Variants in EPB41L4A observed in about 807,000 individuals in gnomAD.
The protein encoded by EPB41L4A is erythrocyte membrane protein band 4.1 like 4A, also known as band 4.1-like protein 4A.
EPB41L4A carries 100 observed loss-of-function variants against 108.6 expected under a neutral mutation model. The ratio of observed to expected loss-of-function variants is 0.92; its 90% confidence interval spans 0.78 to 1.09. EPB41L4A has a LOEUF of 1.09. Among genes scored for constraint, EPB41L4A ranks in the 50% least tolerant of loss-of-function variants. The pLI is 0.00. For synonymous variants in EPB41L4A, 319 were observed against 289.0 expected, an observed-to-expected ratio of 1.10 and a Z score of -1.05; for missense variants, 1,030 against 842.7, an observed-to-expected ratio of 1.22 and a Z score of -2.75.
At position 112,184,083 on chromosome 5, in the gene EPB41L4A, A is replaced by G. The variant is rs767482592; in HGVS notation, c.1555T>C (p.Leu519=). ...VDSAPQWEAV[L]RRQKEKNQAD... Reference sequence around the variant, plus strand: ...TGGTTTTTTTCCTTTTGTCTCCTTAATACAGCTTCCCACTGAGGCGCTGAA... The same window carrying G: ...TGGTTTTTTTCCTTTTGTCTCCTTAGTACAGCTTCCCACTGAGGCGCTGAA... The change falls in exon 18 of 23, where the codon TTA becomes CTA. Residue 519 remains leucine (L), a synonymous_variant. Transcript: ENST00000261486. 8 of 1,613,918 alleles carry G rather than the reference A, an allele frequency of 5.0e-6. No individual in the cohort carries two copies. In the African/African-American group the frequency reaches 1.1e-4, roughly 22 times the overall value.
chr5:112,227,116 G>A (rs1748516038), intron 12 of EPB41L4A, among the ~76,000 whole-genome samples: 1 of 152,078 alleles, frequency 6.6e-6, no homozygotes, highest in Non-Finnish European at 1.5e-5. Context: ...TAGGCAGGCA[G>A]GACAGAAGAA....
At chr5:112,399,327 TC>T (rs1023522143) in intron 1 of EPB41L4A, among the ~76,000 whole-genome samples, 2 of 151,836 alleles carry the variant, frequency 1.3e-5, no homozygotes, top group Non-Finnish European at 2.9e-5. Flanking sequence ...TCAATCAGAT[TC>T]CCCTGTTGTA....
intron 4 of EPB41L4A, among the ~76,000 whole-genome samples, chr5:112,274,135 C>G (rs1219401827): frequency 6.6e-6 from 1 of 151,830 alleles, no homozygotes; most frequent in Non-Finnish European, 1.5e-5. Context: ...AAAGTATTAG[C>G]TAGGTGTAGT....
At position 112,236,396 on chromosome 5, in the gene EPB41L4A, A is replaced by G. The variant is rs1749333594; in HGVS notation, c.966-1641T>C. Among the ~76,000 whole-genome samples, 4 of 152,328 alleles carry G rather than the reference A, an allele frequency of 2.6e-5. No individual in the cohort carries two copies. In the South Asian group the frequency reaches 8.3e-4, roughly 32 times the overall value. Reference sequence around the variant, plus strand: ...GAAGTTGCAAGCCCTGTTTAAAGCAAAGCTCTGCCTTTCCCCAGCTAAGTG... The same window carrying G: ...GAAGTTGCAAGCCCTGTTTAAAGCAGAGCTCTGCCTTTCCCCAGCTAAGTG... On this transcript the variant is annotated intron_variant, in intron 11 of 22. Transcript: ENST00000261486.
At chr5:112,238,131 G>T (rs1193076602) in intron 11 of EPB41L4A, among the ~76,000 whole-genome samples, 2 of 152,108 alleles carry the variant, frequency 1.3e-5, no homozygotes, top group Non-Finnish European at 2.9e-5. Flanking sequence ...CATTAAGACA[G>T]ATGTCTTTCT....
intron 1 of EPB41L4A, among the ~76,000 whole-genome samples, chr5:112,387,423 G>A (rs187964130): frequency 4.6e-5 from 7 of 151,964 alleles, no homozygotes; most frequent in Non-Finnish European, 8.8e-5. Flanking sequence ...TCAGGAGATC[G>A]ACACCATCCC....
At chr5:112,223,111 T>C (rs1038542134) in intron 12 of EPB41L4A, among the ~76,000 whole-genome samples, 3 of 152,052 alleles carry the variant, frequency 2.0e-5, no homozygotes, top group African/African-American at 4.8e-5. Context: ...AGCTAGCTTT[T>C]GTATTTTTAG....
At chr5:112,161,227 A>C, downstream of EPB41L4A, 1 of 287,296 alleles carries the variant, frequency 3.5e-6, no homozygotes, top group Non-Finnish European at 7.0e-6. Flanking sequence ...AAATAACTTA[A>C]AAGCAGCGTG....
chr5:112,344,854 G>C (rs1757537733), intron 1 of EPB41L4A, among the ~76,000 whole-genome samples: 1 of 152,176 alleles, frequency 6.6e-6, no homozygotes, highest in Non-Finnish European at 1.5e-5. Flanking sequence ...GGTAGAAGTA[G>C]ACTGTACAGT....
At chr5:112,322,420 A>C (rs996778680) in intron 1 of EPB41L4A, among the ~76,000 whole-genome samples, 1 of 152,174 alleles carries the variant, frequency 6.6e-6, no homozygotes, top group Admixed American at 6.5e-5. Flanking sequence ...ACTGCTACTA[A>C]GGAGAGCACT....
At chr5:112,383,696 A>G (rs1760311674) in intron 1 of EPB41L4A, among the ~76,000 whole-genome samples, 1 of 152,154 alleles carries the variant, frequency 6.6e-6, no homozygotes, top group Non-Finnish European at 1.5e-5. Flanking sequence ...AATTAATTGT[A>G]TTCAGACAAC....
chr5:112,207,015 A>G (rs1361375322), intron 13 of EPB41L4A: 1 of 152,268 alleles, frequency 6.6e-6, no homozygotes, highest in African/African-American at 2.4e-5. Flanking sequence ...AGCTGGAGGC[A>G]TCACACTACC....
At chr5:112,200,943 G>A (rs1157606405) in intron 15 of EPB41L4A, among the ~76,000 whole-genome samples, 1 of 152,052 alleles carries the variant, frequency 6.6e-6, no homozygotes, top group African/African-American at 2.4e-5. Flanking sequence ...GTATTATCCT[G>A]GTATCCAAAG....
intron 9 of EPB41L4A, among the ~76,000 whole-genome samples, chr5:112,252,747 G>A (rs1297703404): frequency 6.6e-6 from 1 of 152,012 alleles, no homozygotes; most frequent in African/African-American, 2.4e-5. Context: ...TAAGCTCACT[G>A]CCTGGGTGAC....
chr5:112,201,136 G>A (rs867577082), intron 15 of EPB41L4A, among the ~76,000 whole-genome samples: 2 of 152,158 alleles, frequency 1.3e-5, no homozygotes, highest in African/African-American at 4.8e-5. Flanking sequence ...CATTCATACT[G>A]GGAAGAAACA....
At chr5:112,198,823 T>G (rs914058671) in intron 15 of EPB41L4A, among the ~76,000 whole-genome samples, 2 of 151,278 alleles carry the variant, frequency 1.3e-5, no homozygotes, top group African/African-American at 4.8e-5. Flanking sequence ...TTGATAGAAA[T>G]TCATGGTTAT....
chr5:112,157,348 G>A (rs1353891094), intron 12 of EPB41L4A, among the ~76,000 whole-genome samples: 1 of 152,142 alleles, frequency 6.6e-6, no homozygotes, highest in Admixed American at 6.5e-5. Context: ...CACTCCTAAT[G>A]AGAAAATCGA....
intron 13 of EPB41L4A, chr5:112,207,049 C>T (rs1762508137): frequency 6.6e-6 from 1 of 152,144 alleles, no homozygotes. Context: ...TACTACAAGG[C>T]TACAGTAACA....
rs183014424 is a variant in EPB41L4A, at chr5:112,249,356, T to A, written c.796-8546A>T. On this transcript the variant is annotated intron_variant, in intron 9 of 22. Coordinates refer to ENST00000261486, the MANE Select transcript of EPB41L4A (RefSeq NM_022140.5). ...TGGTAGCAAATGACTAAAATAACTT[T>A]CTTCTTAATTACTGATCATGCAAAG... 1.3e-4 allele frequency among the ~76,000 whole-genome samples: 20 copies of A among 152,288 alleles called. 1 individual carries two copies. In the East Asian group the frequency reaches 3.5e-3, roughly 26 times the overall value.
Sources: gnomAD v4.1 joint callset for allele counts (sites outside exome capture counted in the v4.1 genomes callset) on GRCh38, gnomAD v4.1.1 for gene constraint, MANE v1.5 for transcripts, NCBI Gene and HGNC (gene_info 2026-07-23, HGNC 2026-07-21) for gene names.